The following FAM227B variants were observed in gnomAD, a reference collection of about 807,000 sequenced individuals.
FAM227B encodes family with sequence similarity 227 member B, also known as protein FAM227B.
Under a neutral mutation model 73.8 loss-of-function variants are expected in FAM227B, and 88 were observed. The observed-to-expected ratio is 1.19, with a 90% CI of 1.00 to 1.42. The LOEUF is 1.42. Among genes scored for constraint, FAM227B ranks in the 40% most tolerant of loss-of-function variants. The probability of loss-of-function intolerance (pLI) is 0.00; values close to 1 mark genes in which losing one functional copy is unlikely to be tolerated. For synonymous variants in FAM227B, 210 were observed against 190.5 expected, an observed-to-expected ratio of 1.10 and a Z score of -0.84; for missense variants, 632 against 590.9, an observed-to-expected ratio of 1.07 and a Z score of -0.72.
In FAM227B at chr15:49,439,332, G is replaced by A. The variant is rs189844728; in HGVS notation, c.1013-67933C>T. On this transcript the variant is annotated intron_variant, in intron 11 of 15. Coordinates refer to ENST00000299338, the MANE Select transcript of FAM227B (RefSeq NM_152647.3). ...AGAGAGAGAAAGGGAGGCAGAGAGA[G>A]AGAGAATCTTTAAGATGGAAATTGC... Among the ~76,000 whole-genome samples the A allele has an allele frequency of 5.9e-5, 9 of 151,746 alleles. No homozygotes were observed. In the East Asian group the frequency reaches 1.4e-3, roughly 23 times the overall value.
At chr15:49,608,158 G>T (rs1240039823) in intron 3 of FAM227B, among the ~76,000 whole-genome samples, 1 of 152,122 alleles carries the variant, frequency 6.6e-6, no homozygotes, top group Non-Finnish European at 1.5e-5. Context: ...AAAAGAATTG[G>T]ACTAGAAGTT....
intron 11 of FAM227B, among the ~76,000 whole-genome samples, chr15:49,426,513 C>A (rs1177008977): frequency 6.6e-6 from 1 of 151,794 alleles, no homozygotes; most frequent in African/African-American, 2.4e-5. Flanking sequence ...TATTTAGGAT[C>A]AACAATATCT....
chr15:49,367,380 T>A (rs2045385751), intron 13 of FAM227B, 68 bp downstream of exon 13: 2 of 1,318,778 alleles, frequency 1.5e-6, no homozygotes, highest in East Asian at 2.5e-5. Context: ...AATTGAGACA[T>A]TCAGTGAAAT....
intron 3 of FAM227B, among the ~76,000 whole-genome samples, chr15:49,594,217 T>A (rs1472651540): frequency 1.3e-5 from 2 of 152,182 alleles, no homozygotes; most frequent in Non-Finnish European, 2.9e-5. Context: ...TGGCCATTTG[T>A]ATATCTTCTT....
Position 49,509,308 on chromosome 15 carries a change from G to A in FAM227B, c.875-960C>T, listed in dbSNP as rs1208735646. On this transcript the variant is annotated intron_variant, in intron 10 of 15. Transcript: ENST00000299338. Reference sequence around the variant, plus strand: ...TCTAGGAATTAACTAACCCTAGGAAGTGCAGTCCTTCTAGGGTCATCAAGG... The same window carrying A: ...TCTAGGAATTAACTAACCCTAGGAAATGCAGTCCTTCTAGGGTCATCAAGG... Among the ~76,000 whole-genome samples, 5 of 152,150 alleles carry A rather than the reference G, an allele frequency of 3.3e-5. No individual in the cohort carries two copies. The East Asian group carries it at 9.6e-4, about 29-fold the overall frequency.
intron 15 of FAM227B, chr15:49,329,562 A>C: frequency 1.0e-6 from 1 of 984,808 alleles, no homozygotes; most frequent in Non-Finnish European, 1.2e-6. Flanking sequence ...TCATACATAG[A>C]ATACTAGGAA....
At chr15:49,453,471 C>T (rs1457955481) in intron 11 of FAM227B, among the ~76,000 whole-genome samples, 1 of 152,082 alleles carries the variant, frequency 6.6e-6, no homozygotes, top group Non-Finnish European at 1.5e-5. Flanking sequence ...AAATCCAATG[C>T]ATGTTTTTCC....
At chr15:49,447,869 T>A (rs780144948) in intron 11 of FAM227B, among the ~76,000 whole-genome samples, 4 of 151,508 alleles carry the variant, frequency 2.6e-5, no homozygotes, top group Non-Finnish European at 5.9e-5. Flanking sequence ...AAACAATAGG[T>A]TTGACTTTTG....
chr15:49,334,388 G>A, intron 14 of FAM227B: 1 of 236,860 alleles, frequency 4.2e-6, no homozygotes, highest in Non-Finnish European at 6.9e-6. Flanking sequence ...ACACGTGTTA[G>A]TAAAAGCCCT....
intron 15 of FAM227B, chr15:49,329,118 A>G (rs2038092828): frequency 1.0e-6 from 1 of 993,526 alleles, no homozygotes; most frequent in African/African-American, 1.7e-5. Flanking sequence ...TGTCTAGCAA[A>G]GCTTGTTTGT....
At chr15:49,586,714 C>T (rs1018077506) in intron 5 of FAM227B, among the ~76,000 whole-genome samples, 2 of 151,940 alleles carry the variant, frequency 1.3e-5, no homozygotes, top group African/African-American at 4.8e-5. Context: ...AAAAAGTGGG[C>T]AAAAGGCATG....
At chr15:49,614,750 T>G (rs945148954) in intron 2 of FAM227B, 1 of 219,974 alleles carries the variant, frequency 4.5e-6, no homozygotes, top group Admixed American at 5.0e-5. Context: ...CCATCACCCA[T>G]CATGATTGCC....
In FAM227B at chr15:49,556,752, GAA is replaced by G. The variant is rs563533513; in HGVS notation, c.747+11491_747+11492del. Among the ~76,000 whole-genome samples, 521 of 152,284 alleles carry G rather than the reference GAA, an allele frequency of 3.4e-3. 2 individuals are homozygous for G. Among genetic ancestry groups the G allele is most frequent in the African/African-American group, 0.012 (492 of 41,562 alleles). Reference sequence around the variant, plus strand: ...TCAGGTCTGACAGTTCCCCTAAAATGAAAGTCTCCTAGGGTAGCATGGCAAGC... The same window carrying G: ...TCAGGTCTGACAGTTCCCCTAAAATGAGTCTCCTAGGGTAGCATGGCAAGC... On this transcript the variant is annotated intron_variant, in intron 9 of 15. Transcript: ENST00000299338.
intron 10 of FAM227B, among the ~76,000 whole-genome samples, chr15:49,537,130 A>G (rs960238865): frequency 1.3e-5 from 2 of 152,140 alleles, no homozygotes; most frequent in African/African-American, 4.8e-5. Flanking sequence ...ATGAAATGGC[A>G]ACCTATGAAT....
intron 12 of FAM227B, chr15:49,367,866 GA>G (rs34096112): frequency 0.34 from 40,104 of 116,770 alleles, 6,532 homozygotes; most frequent in African/African-American, 0.52. Context: ...CTTAAGAACA[GA>G]AAAAAAAAAA....
intron 13 of FAM227B, among the ~76,000 whole-genome samples, chr15:49,340,155 ACTGGGGTATGAAAGAAAACTC>A (rs2040453205): frequency 6.6e-6 from 1 of 152,080 alleles, no homozygotes; most frequent in Non-Finnish European, 1.5e-5. Flanking sequence ...TCCAGGTGCC[ACTGGGGTATGAAAGAAAACTC>A]CTGTGGCTAG....
chr15:49,538,231 C>T (rs570324347), intron 10 of FAM227B, among the ~76,000 whole-genome samples: 1 of 152,256 alleles, frequency 6.6e-6, no homozygotes, highest in Admixed American at 6.5e-5. Context: ...TATGGATTTT[C>T]ATCTGCCTCT....
intron 9 of FAM227B, among the ~76,000 whole-genome samples, chr15:49,546,153 C>T (rs1166291734): frequency 6.6e-6 from 1 of 152,052 alleles, no homozygotes. Flanking sequence ...GGTCCCCTTC[C>T]TGTGTCCATG....
At chr15:49,440,917 G>T (rs2151835853) in intron 11 of FAM227B, among the ~76,000 whole-genome samples, 1 of 151,784 alleles carries the variant, frequency 6.6e-6, no homozygotes, top group Non-Finnish European at 1.5e-5. Context: ...GATGATACTG[G>T]TTATAAGTTG....
Sources: gnomAD v4.1 joint callset for allele counts (sites outside exome capture counted in the v4.1 genomes callset) on GRCh38, gnomAD v4.1.1 for gene constraint, MANE v1.5 for transcripts, NCBI Gene and HGNC (gene_info 2026-07-23, HGNC 2026-07-21) for gene names.